The following PSPC1 variants were observed in gnomAD, a reference collection of about 807,000 sequenced individuals.
PSPC1 encodes the protein paraspeckle protein 1.
PSPC1 carries 14 observed loss-of-function variants against 51.6 expected under a neutral mutation model. The ratio of observed to expected loss-of-function variants is 0.27; its 90% CI spans 0.18 to 0.42. PSPC1 has a LOEUF of 0.42. Ranked by LOEUF, PSPC1 falls within the 10% of genes least tolerant of loss-of-function variation. The pLI is 1.00. For missense variants in PSPC1, 406 were observed against 701.1 expected (o/e 0.58, Z 4.75); for synonymous variants, 193 against 231.9 (o/e 0.83, Z 1.53).
At position 19,686,918 on chromosome 13, in the gene PSPC1, T is replaced by C. The variant is rs529161983; in HGVS notation, c.1159-9095A>G. On this transcript the variant is annotated intron_variant and NMD_transcript_variant, in intron 6 of 7. Transcript: ENST00000471658. ...GTATGAATATAGCCATCTTTAGGGG[T>C]GGGCGCGGTGGCTCATGCCTGTAAT... 2.0e-5 allele frequency among the ~76,000 whole-genome samples: 3 copies of C among 152,162 alleles called. No homozygotes were observed. The South Asian group carries it at 6.2e-4, about 32-fold the overall frequency.
chr13:19,692,909 T>C (rs948666897), intron 6 of PSPC1, among the ~76,000 whole-genome samples: 4 of 152,218 alleles, frequency 2.6e-5, no homozygotes, highest in Admixed American at 6.5e-5. Flanking sequence ...CCCTGATCTA[T>C]GTGGTCTCTC....
intron 1 of PSPC1, among the ~76,000 whole-genome samples, chr13:19,780,534 CAT>C (rs1239295955): frequency 1.2e-5 from 1 of 84,566 alleles, no homozygotes; most frequent in Admixed American, 1.5e-4. Flanking sequence ...CTCTCTGAAA[CAT>C]GTGCTGTGTC....
At chr13:19,710,754 C>T (rs548092402) in intron 6 of PSPC1, among the ~76,000 whole-genome samples, 11 of 152,186 alleles carry the variant, frequency 7.2e-5, no homozygotes, top group African/African-American at 2.4e-4. Flanking sequence ...AATGAAGCTA[C>T]GGTACAACAA....
chr13:19,759,297 C>G, intron 3 of PSPC1, 26 bp downstream of exon 3: 2 of 1,546,314 alleles, frequency 1.3e-6, no homozygotes, highest in Non-Finnish European at 1.8e-6. Flanking sequence ...AGTACAGACA[C>G]AAATTATCTA....
In PSPC1 at chr13:19,766,623, G is replaced by A. The variant is rs192276075; in HGVS notation, c.674+5619C>T. On this transcript the variant is annotated intron_variant, in intron 2 of 8. Transcript: ENST00000338910. ...TCATGTGAGCCTGAGGAGGCTGAGG[G>A]CATAGTGACCTATGATCGCATTCAG... Among the ~76,000 whole-genome samples the A allele has an allele frequency of 3.9e-5, 6 of 151,940 alleles. No homozygotes were observed. The East Asian group carries it at 1.2e-3, about 30-fold the overall frequency.
intron 6 of PSPC1, among the ~76,000 whole-genome samples, chr13:19,713,978 C>G (rs1190172691): frequency 6.6e-6 from 1 of 152,190 alleles, no homozygotes; most frequent in Non-Finnish European, 1.5e-5. Flanking sequence ...CACTATAGCA[C>G]AAGCCAAGAG....
intron 6 of PSPC1, among the ~76,000 whole-genome samples, chr13:19,722,179 T>C (rs899970390): frequency 3.3e-5 from 5 of 152,170 alleles, no homozygotes; most frequent in Admixed American, 3.3e-4. Context: ...TACAACTTGG[T>C]AAATATAAAG....
chr13:19,761,066 G>A (rs1887567333), intron 2 of PSPC1, among the ~76,000 whole-genome samples: 1 of 151,970 alleles, frequency 6.6e-6, no homozygotes, highest in Non-Finnish European at 1.5e-5. Context: ...GATCACTTGA[G>A]CCCAGGAATT....
downstream of PSPC1, chr13:19,672,852 C>A (rs1019234407): frequency 1.8e-5 from 6 of 336,052 alleles, no homozygotes; most frequent in Non-Finnish European, 2.9e-5. Context: ...ATAATCCCAG[C>A]GCTTTGGAGG....
intron 3 of PSPC1, among the ~76,000 whole-genome samples, chr13:19,755,266 G>T (rs557517412): frequency 1.9e-4 from 29 of 151,834 alleles, no homozygotes; most frequent in African/African-American, 6.5e-4. Context: ...AGAAAAGAAA[G>T]AGAAATAGCA....
intron 4 of PSPC1, among the ~76,000 whole-genome samples, chr13:19,748,071 G>C (rs906567350): frequency 6.6e-6 from 1 of 152,080 alleles, no homozygotes; most frequent in Non-Finnish European, 1.5e-5. Context: ...AAATTAGCTG[G>C]GCGTGGTGGT....
At chr13:19,739,651 G>A (rs1157945885) in intron 5 of PSPC1, among the ~76,000 whole-genome samples, 1 of 152,072 alleles carries the variant, frequency 6.6e-6, no homozygotes, top group Non-Finnish European at 1.5e-5. Flanking sequence ...GCTGAGGCAG[G>A]AGAATCACTG....
At chr13:19,756,246 T>G (rs964418632) in intron 3 of PSPC1, among the ~76,000 whole-genome samples, 29 of 152,078 alleles carry the variant, frequency 1.9e-4, no homozygotes, top group East Asian at 1.9e-4. Flanking sequence ...AAAAAATAAA[T>G]AAGTAGGCCT....
chr13:19,765,497 ATTTT>A (rs68120306), intron 2 of PSPC1, among the ~76,000 whole-genome samples: 11 of 124,336 alleles, frequency 8.8e-5, no homozygotes, highest in African/African-American at 1.5e-4. Flanking sequence ...AAGGGATCTA[ATTTT>A]TTTTTTTTTT....
chr13:19,781,648 C>A (rs1176168528), intron 1 of PSPC1, among the ~76,000 whole-genome samples: 1 of 151,970 alleles, frequency 6.6e-6, no homozygotes, highest in African/African-American at 2.4e-5. Context: ...AGTTTGGGCA[C>A]CTAAGCAGTT....
intron 7 of PSPC1, among the ~76,000 whole-genome samples, chr13:19,707,806 G>A (rs1880894526): frequency 1.3e-5 from 2 of 152,148 alleles, no homozygotes; most frequent in South Asian, 4.1e-4. Flanking sequence ...TGATGTTAAT[G>A]TCATTCTAAT....
rs553310658 is a variant in PSPC1 at position 19,709,276 on chromosome 13, C to A, written c.1216+266G>T. Among the ~76,000 whole-genome samples, 264 of 152,128 alleles carry A rather than the reference C, an allele frequency of 1.7e-3. 1 individual carries two copies. The highest frequency in any genetic ancestry group is 6.0e-3 in the African/African-American group (249 of 41,512). ...AACTACCTTCAGGCTGTATTGCAAC[C>A]TGGTTTATATGTTTCTTTCATTAAG... On this transcript the variant is annotated intron_variant, in intron 7 of 8. Coordinates refer to ENST00000338910, the MANE Select transcript of PSPC1 (RefSeq NM_001354909.2).
chr13:19,702,217 T>C (rs1394600166), downstream of PSPC1, among the ~76,000 whole-genome samples: 2 of 152,184 alleles, frequency 1.3e-5, no homozygotes, highest in African/African-American at 4.8e-5. Flanking sequence ...TGGAGAAATG[T>C]CCAAATTTTA....
intron 7 of PSPC1, among the ~76,000 whole-genome samples, chr13:19,706,039 A>T (rs1265111336): frequency 2.0e-5 from 3 of 152,202 alleles, no homozygotes; most frequent in Non-Finnish European, 4.4e-5. Context: ...ACGTACATAA[A>T]ATCAAGGAGG....
Sources: gnomAD v4.1 joint callset for allele counts (sites outside exome capture counted in the v4.1 genomes callset) on GRCh38, gnomAD v4.1.1 for gene constraint, MANE v1.5 for transcripts, NCBI Gene and HGNC (gene_info 2026-07-23, HGNC 2026-07-21) for gene names.